TP53BP2: variants seen among roughly 807,000 people sequenced by gnomAD.
The protein encoded by TP53BP2 is apoptosis-stimulating of p53 protein 2.
Under a neutral mutation model 126.2 loss-of-function variants are expected in TP53BP2, and 62 were observed. That is an observed-to-expected ratio of 0.49 (90% CI 0.40 to 0.61). The LOEUF (loss-of-function observed/expected upper bound fraction) is 0.61, where lower values mean the gene tolerates loss of function less well. Among genes scored for constraint, TP53BP2 ranks in the 20% least tolerant of loss-of-function variants. The pLI, the probability that TP53BP2 is intolerant of heterozygous loss-of-function variation, is 0.00. For missense variants in TP53BP2, 1,215 were observed against 1,402.8 expected (o/e 0.87, Z 2.14); for synonymous variants, 485 against 502.9 (o/e 0.96, Z 0.48).
At chr1:223,845,053 C>T (rs1194002790) in intron 1 of TP53BP2, among the ~76,000 whole-genome samples, 1 of 152,186 alleles carries the variant, frequency 6.6e-6, no homozygotes, top group Non-Finnish European at 1.5e-5. Context: ...AGGCACTAAT[C>T]CTCTCCGGAG....
chr1:223,812,752 G>T (rs1042270557), intron 3 of TP53BP2, among the ~76,000 whole-genome samples: 3 of 152,006 alleles, frequency 2.0e-5, no homozygotes, highest in Non-Finnish European at 4.4e-5. Context: ...TAGAGACAGG[G>T]TTTCACCATG....
intron 4 of TP53BP2, among the ~76,000 whole-genome samples, chr1:223,807,537 T>A (rs1255053657): frequency 6.6e-6 from 1 of 150,988 alleles, no homozygotes; most frequent in Non-Finnish European, 1.5e-5. Context: ...GACAATATAA[T>A]CATCTATGAA....
At chr1:223,790,416 G>T (rs1242768159) in intron 15 of TP53BP2, among the ~76,000 whole-genome samples, 1 of 151,816 alleles carries the variant, frequency 6.6e-6, no homozygotes, top group African/African-American at 2.4e-5. Flanking sequence ...AAAATAGCCA[G>T]GTGTGGTGGC....
intron 1 of TP53BP2, among the ~76,000 whole-genome samples, chr1:223,839,501 T>G (rs767004952): frequency 7.2e-5 from 11 of 152,252 alleles, no homozygotes; most frequent in Non-Finnish European, 1.2e-4. Flanking sequence ...CCACAAGTAG[T>G]TTAAACTGGT....
intron 4 of TP53BP2, 47 bp downstream of exon 4, chr1:223,810,384 T>C (rs774779363): frequency 1.7e-5 from 23 of 1,343,634 alleles, no homozygotes; most frequent in Non-Finnish European, 1.7e-5. Flanking sequence ...AGTTAAAAAA[T>C]ATGTATCACT....
At chr1:223,829,528 A>G (rs1321531028) in intron 1 of TP53BP2, among the ~76,000 whole-genome samples, 1 of 152,168 alleles carries the variant, frequency 6.6e-6, no homozygotes, top group Non-Finnish European at 1.5e-5. Context: ...TATGTTCTTT[A>G]AATACCATAT....
At chr1:223,835,662 C>T (rs1374158869) in intron 1 of TP53BP2, among the ~76,000 whole-genome samples, 1 of 152,202 alleles carries the variant, frequency 6.6e-6, no homozygotes, top group Non-Finnish European at 1.5e-5. Flanking sequence ...GCAAGAACTA[C>T]ACTCACCAAA....
chr1:223,814,630 C>A (rs780067551), intron 2 of TP53BP2, among the ~76,000 whole-genome samples: 5 of 152,120 alleles, frequency 3.3e-5, no homozygotes, highest in Non-Finnish European at 5.9e-5. Context: ...CCACGCTGGC[C>A]ACAGGTGCAC....
intron 12 of TP53BP2, among the ~76,000 whole-genome samples, chr1:223,797,764 T>C (rs1335149161): frequency 1.4e-5 from 2 of 147,636 alleles, no homozygotes; most frequent in African/African-American, 2.5e-5. Context: ...GAGACACACA[T>C]ATATATATGT....
chr1:223,789,068 C>G lies in TP53BP2; in HGVS notation c.3103G>C (p.Ala1035Pro). 1 of 1,614,202 alleles carries G rather than the reference C, an allele frequency of 6.2e-7. No homozygotes were observed. The highest frequency in any genetic ancestry group is 8.5e-7 in the Non-Finnish European group (1 of 1,180,022). ...FAMTYSDMQT[A>P]ADKCEEMEEG... is the part of the protein sequence containing the mutation. The stretch of plus-strand genomic sequence containing the variant: ...TCCATTTCCTCGCACTTATCTGCAG[C>G]AGTCTGCATGTCACTGTAGGTCATG... Residue 1035 changes from alanine to proline, a missense_variant, in exon 16 of 18, where the codon GCT (alanine) becomes CCT (proline). Physicochemically the swap from Ala to Pro is conservative, Grantham distance 27. Coordinates refer to ENST00000343537, the MANE Select transcript of TP53BP2 (RefSeq NM_001031685.3).
intron 1 of TP53BP2, among the ~76,000 whole-genome samples, chr1:223,834,561 T>C (rs1170497953): frequency 6.6e-6 from 1 of 152,244 alleles, no homozygotes; most frequent in Non-Finnish European, 1.5e-5. Flanking sequence ...CACTGGTATT[T>C]ATATTTGCAT....
rs1028709747 is a variant in TP53BP2, at chr1:223,845,570, G to T, written c.27+84C>A. The T allele has an allele frequency of 1.2e-5, 17 of 1,384,068 alleles. No homozygotes were observed. In the African/African-American group the frequency reaches 2.6e-4, roughly 22 times the overall value. 85.7% of individuals were successfully genotyped at this position (1,384,068 alleles called of 1,614,324 possible). ...GCTGCGGCCCCCAGGCTCCTTCCCC[G>T]ACGCGCCCGAGGGCGCGGACCAGCC... On this transcript the variant is annotated intron_variant, in intron 1 of 17. Coordinates refer to ENST00000343537, the MANE Select transcript of TP53BP2 (RefSeq NM_001031685.3).
chr1:223,788,963 A>G, intron 16 of TP53BP2, 45 bp downstream of exon 16: 1 of 1,581,708 alleles, frequency 6.3e-7, no homozygotes, highest in Non-Finnish European at 8.7e-7. Flanking sequence ...GATACAGAAT[A>G]AATGAATGCA....
chr1:223,837,239 G>T (rs994428664), intron 1 of TP53BP2, among the ~76,000 whole-genome samples: 6 of 151,668 alleles, frequency 4.0e-5, no homozygotes, highest in African/African-American at 1.5e-4. Context: ...CAAAAGTAAA[G>T]CTGTCCTAAA....
chr1:223,789,313 A>G, intron 15 of TP53BP2, 139 bp from the exon 16 acceptor site: 3 of 915,006 alleles, frequency 3.3e-6, no homozygotes, highest in Non-Finnish European at 3.2e-6. Context: ...TTTTTTAAAA[A>G]CCAGTTCAAC....
intron 1 of TP53BP2, among the ~76,000 whole-genome samples, chr1:223,825,053 A>ACACACC (rs896409691): frequency 3.4e-5 from 5 of 148,732 alleles, no homozygotes; most frequent in African/African-American, 9.9e-5. Flanking sequence ...ACACACACAC[A>ACACACC]CCCTAGCCCA....
At chr1:223,839,371 G>C (rs1435958504) in intron 1 of TP53BP2, among the ~76,000 whole-genome samples, 1 of 152,156 alleles carries the variant, frequency 6.6e-6, no homozygotes, top group East Asian at 1.9e-4. Context: ...CACAGAAAGG[G>C]GGCTCCTCTT....
chr1:223,831,158 G>T (rs1056455539), intron 1 of TP53BP2, among the ~76,000 whole-genome samples: 1 of 150,866 alleles, frequency 6.6e-6, no homozygotes, highest in Non-Finnish European at 1.5e-5. Context: ...TGAGGCGGGA[G>T]GATCACTTCA....
At chr1:223,821,895 CTT>C (rs111552661) in intron 1 of TP53BP2, among the ~76,000 whole-genome samples, 12 of 144,976 alleles carry the variant, frequency 8.3e-5, no homozygotes, top group African/African-American at 7.5e-5. Flanking sequence ...AAAAATTGTA[CTT>C]TTTTTTTTTT....
Sources: gnomAD v4.1 joint callset for allele counts (sites outside exome capture counted in the v4.1 genomes callset) on GRCh38, gnomAD v4.1.1 for gene constraint, MANE v1.5 for transcripts, NCBI Gene and HGNC (gene_info 2026-07-23, HGNC 2026-07-21) for gene names.